NPAS3: variants seen among roughly 807,000 people sequenced by gnomAD.
The protein encoded by NPAS3 is neuronal PAS domain protein 3, also known as neuronal PAS domain-containing protein 3.
NPAS3 carries 14 observed loss-of-function variants against 73.1 expected under a neutral mutation model. That is an observed-to-expected ratio of 0.19 (90% CI 0.13 to 0.30). The LOEUF is 0.30. NPAS3 is among the 10% of genes least tolerant of loss of function. NPAS3 has a pLI of 1.00. For missense variants in NPAS3, 1,096 were observed against 1,250.0 expected (o/e 0.88, Z 1.86); for synonymous variants, 620 against 541.5 (o/e 1.14, Z -2.01).
chr14:33,431,150 G>A (rs2048767661), intron 4 of NPAS3, among the ~76,000 whole-genome samples: 1 of 152,150 alleles, frequency 6.6e-6, no homozygotes, highest in African/African-American at 2.4e-5. Context: ...CGTGTTGGTT[G>A]ATTACTTTTC....
intron 2 of NPAS3, among the ~76,000 whole-genome samples, chr14:33,210,991 C>A (rs1258319520): frequency 1.3e-5 from 2 of 152,114 alleles, no homozygotes; most frequent in Non-Finnish European, 2.9e-5. Flanking sequence ...TATTAATGAG[C>A]ATTGCAGGCA....
intron 5 of NPAS3, chr14:33,612,525 T>C: frequency 2.2e-6 from 1 of 456,070 alleles, no homozygotes. Context: ...GGAAGGAGTT[T>C]AGTTCCTCTG....
intron 5 of NPAS3, among the ~76,000 whole-genome samples, chr14:33,634,393 C>G (rs2140149412): frequency 6.6e-6 from 1 of 152,250 alleles, no homozygotes; most frequent in Non-Finnish European, 1.5e-5. Flanking sequence ...AGGTTACACA[C>G]AGTGAACTGC....
At chr14:33,752,706 T>C (rs2061999090) in intron 7 of NPAS3, among the ~76,000 whole-genome samples, 1 of 152,228 alleles carries the variant, frequency 6.6e-6, no homozygotes, top group South Asian at 2.1e-4. Context: ...TCTAACTTTA[T>C]GTTGACAATG....
chr14:33,354,725 A>G (rs1332486582), intron 3 of NPAS3, among the ~76,000 whole-genome samples: 1 of 152,180 alleles, frequency 6.6e-6, no homozygotes, highest in African/African-American at 2.4e-5. Flanking sequence ...AGAAACCATT[A>G]TACTGTGTTA....
At chr14:33,083,178 CAAAAAAAAAAAAAAAAAA>C (rs57147759) in intron 2 of NPAS3, among the ~76,000 whole-genome samples, 6 of 65,018 alleles carry the variant, frequency 9.2e-5, no homozygotes, top group East Asian at 1.0e-3. Flanking sequence ...GAGACTGTCT[CAAAAAAAAAAAAAAAAAA>C]AAAAAAAAAA....
chr14:33,676,301 G>C (rs1441516376), exon 6 of NPAS3: 1 of 1,613,002 alleles, frequency 6.2e-7, no homozygotes, highest in Non-Finnish European at 8.5e-7. Context: ...GCTCCCCCCT[G>C]GGCGGGGTCT....
chr14:33,038,767 A>G (rs2040255463), intron 1 of NPAS3, among the ~76,000 whole-genome samples: 1 of 152,180 alleles, frequency 6.6e-6, no homozygotes, highest in African/African-American at 2.4e-5. Context: ...TTATATTCCT[A>G]AGCCCACCCA....
At chr14:33,507,866 T>C (rs1003405741) in intron 4 of NPAS3, among the ~76,000 whole-genome samples, 17 of 152,050 alleles carry the variant, frequency 1.1e-4, no homozygotes, top group Admixed American at 3.3e-4. Context: ...AAGCACTTTC[T>C]GGTTTTGATG....
intron 4 of NPAS3, among the ~76,000 whole-genome samples, chr14:33,415,859 C>T (rs144815188): frequency 5.3e-4 from 80 of 152,180 alleles, no homozygotes; most frequent in African/African-American, 1.8e-3. Context: ...ACAGTTCCCT[C>T]GATTAATATT....
chr14:33,502,439 G>A (rs1740286221), intron 4 of NPAS3, among the ~76,000 whole-genome samples: 1 of 151,880 alleles, frequency 6.6e-6, no homozygotes, highest in Non-Finnish European at 1.5e-5. Flanking sequence ...TCGTTGGGGA[G>A]AGCCCTGTCC....
At chr14:33,507,955 C>A (rs1367026682) in intron 4 of NPAS3, among the ~76,000 whole-genome samples, 1 of 151,930 alleles carries the variant, frequency 6.6e-6, no homozygotes, top group Non-Finnish European at 1.5e-5. Flanking sequence ...CTAAGCCTCT[C>A]CTTCCTACTC....
In NPAS3 at chr14:33,372,440, A is replaced by G. The variant is rs560273875; in HGVS notation, c.468+5172A>G. On this transcript the variant is annotated intron_variant, in intron 4 of 11. Transcript: ENST00000356141. Reference sequence around the variant, plus strand: ...CTTTTCCACTGAGAGGGAGAAAATAATAAACTTAATGGTGATTTTATCAAT... The same window carrying G: ...CTTTTCCACTGAGAGGGAGAAAATAGTAAACTTAATGGTGATTTTATCAAT... Among the ~76,000 whole-genome samples the G allele has an allele frequency of 2.0e-5, 3 of 152,310 alleles. No homozygotes were observed. In the South Asian group the frequency reaches 6.2e-4, roughly 32 times the overall value.
chr14:33,248,404 A>C (rs1348356488), intron 3 of NPAS3, among the ~76,000 whole-genome samples: 1 of 152,216 alleles, frequency 6.6e-6, no homozygotes, highest in Non-Finnish European at 1.5e-5. Flanking sequence ...TTGATTATGA[A>C]ATGTATATTT....
At chr14:33,303,021 A>C (rs2042615535) in intron 3 of NPAS3, among the ~76,000 whole-genome samples, 1 of 152,064 alleles carries the variant, frequency 6.6e-6, no homozygotes, top group Non-Finnish European at 1.5e-5. Flanking sequence ...ATCTTTAAAA[A>C]TGGCTTCTCG....
intron 5 of NPAS3, among the ~76,000 whole-genome samples, chr14:33,664,165 A>T (rs150720491): frequency 1.9e-3 from 287 of 152,312 alleles, no homozygotes; most frequent in African/African-American, 6.3e-3. Context: ...TGGTACCAAA[A>T]CAGATATACA....
chr14:33,646,343 C>CTTACA (rs2140209441), intron 5 of NPAS3, among the ~76,000 whole-genome samples: 1 of 152,134 alleles, frequency 6.6e-6, no homozygotes, highest in Admixed American at 6.5e-5. Context: ...TTAACCTTTT[C>CTTACA]TTACATTTTC....
intron 1 of NPAS3, among the ~76,000 whole-genome samples, chr14:32,941,956 T>G (rs999169298): frequency 2.0e-5 from 3 of 152,200 alleles, no homozygotes; most frequent in African/African-American, 7.2e-5. Context: ...TGATTTGGCT[T>G]TGTAATGAGA....
intron 7 of NPAS3, among the ~76,000 whole-genome samples, chr14:33,750,586 A>C (rs1411395835): frequency 7.0e-6 from 1 of 143,190 alleles, no homozygotes; most frequent in Non-Finnish European, 1.5e-5. Context: ...TAACCTGAGA[A>C]AACAAAAGAG....
Sources: gnomAD v4.1 joint callset for allele counts (sites outside exome capture counted in the v4.1 genomes callset) on GRCh38, gnomAD v4.1.1 for gene constraint, MANE v1.5 for transcripts, NCBI Gene and HGNC (gene_info 2026-07-23, HGNC 2026-07-21) for gene names.